The following AJAP1 variants were observed in gnomAD, a reference collection of about 807,000 sequenced individuals.
AJAP1 encodes adherens junctions associated protein 1.
A neutral mutation model predicts 35.0 loss-of-function variants in AJAP1; 5 were observed. The ratio of observed to expected loss-of-function variants is 0.14; its 90% CI spans 0.07 to 0.30. The LOEUF (loss-of-function observed/expected upper bound fraction) is 0.30, where lower values mean the gene tolerates loss of function less well. Ranked by LOEUF, AJAP1 falls within the 10% of genes least tolerant of loss-of-function variation. The pLI, the probability that AJAP1 is intolerant of heterozygous loss-of-function variation, is 1.00. For missense variants in AJAP1, 586 were observed against 571.0 expected, an observed-to-expected ratio of 1.03 and a Z score of -0.27; for synonymous variants, 284 against 249.3, an observed-to-expected ratio of 1.14 and a Z score of -1.31.
At chr1:4,730,799 G>T (rs1640779905) in intron 2 of AJAP1, among the ~76,000 whole-genome samples, 1 of 152,152 alleles carries the variant, frequency 6.6e-6, no homozygotes, top group Admixed American at 6.5e-5. Flanking sequence ...GAGGGACTCA[G>T]AACAGACATC....
rs151162408 is a variant in AJAP1, at chr1:4,680,329, C to T, written c.29+24875C>T. 6.6e-3 allele frequency among the ~76,000 whole-genome samples: 1,009 copies of T among 152,338 alleles called. 10 individuals are homozygous for T. Among genetic ancestry groups the T allele is most frequent in the African/African-American group, 0.022 (903 of 41,578 alleles). On this transcript the variant is annotated intron_variant, in intron 1 of 5. Transcript: ENST00000378191. ...TTGACAAGTAAAATTAACCCTCTCACCAGTCATTGGATTTAGGGTCCATGG... is the reference window on the plus strand; with the variant it reads ...TTGACAAGTAAAATTAACCCTCTCATCAGTCATTGGATTTAGGGTCCATGG...
chr1:4,710,826 G>A (rs1640213692), intron 1 of AJAP1, among the ~76,000 whole-genome samples: 1 of 152,226 alleles, frequency 6.6e-6, no homozygotes, highest in Admixed American at 6.5e-5. Flanking sequence ...GTGGCTCTCT[G>A]CCGCGCCCTG....
Position 4,770,415 on chromosome 1 carries a change from C to G in AJAP1, c.917+475C>G, listed in dbSNP as rs555245861. ...TCTCAAAGCCACTCTGTGTGCTGAA[C>G]TAGGTTACCGCTTTGCTCTAGGCAG... On this transcript the variant is annotated intron_variant, in intron 3 of 5. Coordinates refer to ENST00000378191, the MANE Select transcript of AJAP1 (RefSeq NM_018836.4). 4.6e-5 allele frequency among the ~76,000 whole-genome samples: 7 copies of G among 152,290 alleles called. No homozygotes were observed. In the East Asian group the frequency reaches 9.7e-4, roughly 21 times the overall value.
intron 1 of AJAP1, among the ~76,000 whole-genome samples, chr1:4,706,679 C>T (rs35923204): frequency 0.11 from 16,670 of 152,196 alleles, 1,097 homozygotes; most frequent in Admixed American, 0.22. Flanking sequence ...AGGAGGCTCA[C>T]GCCGCACACT....
intron 5 of AJAP1, among the ~76,000 whole-genome samples, chr1:4,780,933 G>A (rs999064189): frequency 4.6e-5 from 7 of 152,150 alleles, no homozygotes; most frequent in Non-Finnish European, 8.8e-5. Flanking sequence ...GCCTCATGGA[G>A]TTGTCCACAC....
chr1:4,655,702 GC>G lies in AJAP1; in HGVS notation c.29+249del, dbSNP rs1422813842. On this transcript the variant is annotated intron_variant, in intron 1 of 5. Transcript: ENST00000378191. This position sits in a 1 kb window ranked among gnomAD's most constrained non-coding sequence, Gnocchi z 6.9. ...GGTCGGGGCAGCGGCGCCCGCCCCA[GC>G]AACCCGGGAAGTGGGGCCGGCCAGG... 1.3e-5 allele frequency among the ~76,000 whole-genome samples: 2 copies of G among 150,970 alleles called. No individual in the cohort carries two copies. Among genetic ancestry groups the G allele is most frequent in the Non-Finnish European group, 3.0e-5 (2 of 67,672 alleles).
chr1:4,765,474 A>AGAGAGACATGAGTAAAGAAG (rs1553161331), intron 2 of AJAP1, among the ~76,000 whole-genome samples: 2 of 148,502 alleles, frequency 1.3e-5, no homozygotes, highest in African/African-American at 5.0e-5. Context: ...GAGAGTATTG[A>AGAGAGACATGAGTAAAGAAG]GAGAGACATG....
At chr1:4,769,050 G>A (rs1641765878) in intron 2 of AJAP1, among the ~76,000 whole-genome samples, 1 of 152,166 alleles carries the variant, frequency 6.6e-6, no homozygotes, top group South Asian at 2.1e-4. Flanking sequence ...AACAGCTCAT[G>A]ACCAGAGCTC....
chr1:4,771,484 C>T (rs114099915), intron 3 of AJAP1, among the ~76,000 whole-genome samples: 95 of 152,312 alleles, frequency 6.2e-4, no homozygotes, highest in Middle Eastern at 3.4e-3. Context: ...TGCGGGGAGA[C>T]GTCCTCAGCT....
chr1:4,780,393 G>A (rs1447336191), intron 5 of AJAP1, among the ~76,000 whole-genome samples: 5 of 151,596 alleles, frequency 3.3e-5, no homozygotes, highest in South Asian at 4.2e-4. Context: ...TACAGCATTC[G>A]TCTCTACATT....
intron 2 of AJAP1, among the ~76,000 whole-genome samples, chr1:4,719,550 G>A (rs942820056): frequency 6.6e-5 from 10 of 152,150 alleles, no homozygotes; most frequent in Admixed American, 3.3e-4. Flanking sequence ...AGCCCATCTC[G>A]GGGGCGTGTG....
At chr1:4,678,279 T>G (rs1319695294) in intron 1 of AJAP1, among the ~76,000 whole-genome samples, 2 of 152,246 alleles carry the variant, frequency 1.3e-5, no homozygotes, top group Non-Finnish European at 2.9e-5. Context: ...GTGAATCTGG[T>G]CTAGGAGTGT....
chr1:4,698,968 C>T (rs1309235896), intron 1 of AJAP1, among the ~76,000 whole-genome samples: 2 of 152,176 alleles, frequency 1.3e-5, no homozygotes, highest in Non-Finnish European at 2.9e-5. Context: ...CTGCCTTGCT[C>T]CTGGTTCCCC....
At chr1:4,774,319 C>T in intron 4 of AJAP1, 108 bp from the exon 5 acceptor site, 1 of 1,011,254 alleles carries the variant, frequency 9.9e-7, no homozygotes, top group Non-Finnish European at 1.6e-6. Flanking sequence ...CACATTAGTG[C>T]TTCCTTTCTC....
At chr1:4,676,396 G>T (rs10915584) in intron 1 of AJAP1, among the ~76,000 whole-genome samples, 79,338 of 151,986 alleles carry the variant, frequency 0.52, 20,995 homozygotes, top group Middle Eastern at 0.65. Context: ...ACACATCTGG[G>T]TGCATCACAG....
intron 2 of AJAP1, among the ~76,000 whole-genome samples, chr1:4,721,246 G>A (rs1168975279): frequency 6.6e-6 from 1 of 152,184 alleles, no homozygotes; most frequent in Non-Finnish European, 1.5e-5. Flanking sequence ...CTCCAGGACT[G>A]TGGCACTTTC....
chr1:4,761,363 C>G (rs1265631844), intron 2 of AJAP1, among the ~76,000 whole-genome samples: 1 of 152,196 alleles, frequency 6.6e-6, no homozygotes, highest in Non-Finnish European at 1.5e-5. Context: ...CTGTAACACT[C>G]TGTGTTCTCT....
At chr1:4,742,581 C>T (rs1030865721) in intron 2 of AJAP1, among the ~76,000 whole-genome samples, 1 of 152,100 alleles carries the variant, frequency 6.6e-6, no homozygotes, top group Admixed American at 6.5e-5. Flanking sequence ...TGTCTTTGTC[C>T]TGTCCTTTCC....
intron 2 of AJAP1, among the ~76,000 whole-genome samples, chr1:4,766,465 A>G (rs1427339009): frequency 5.3e-5 from 8 of 152,202 alleles, no homozygotes. Flanking sequence ...TACCAAAGAG[A>G]GGAAATAATG....
Sources: allele counts gnomAD v4.1 joint callset (sites outside exome capture counted in the v4.1 genomes callset), GRCh38; gene constraint gnomAD v4.1.1; non-coding constraint Gnocchi (gnomAD v3.1); transcripts MANE v1.5; gene names NCBI Gene and HGNC (gene_info 2026-07-23, HGNC 2026-07-21).